UBAC1: variants seen among roughly 807,000 people sequenced by gnomAD.
The protein encoded by UBAC1 is ubiquitin-associated domain-containing protein 1.
Under a neutral mutation model 45.9 loss-of-function variants are expected in UBAC1, and 27 were observed. The observed-to-expected ratio is 0.59, with a 90% CI of 0.43 to 0.81. The LOEUF (loss-of-function observed/expected upper bound fraction) is 0.81, where lower values mean the gene tolerates loss of function less well. Among genes scored for constraint, UBAC1 ranks in the 30% least tolerant of loss-of-function variants. UBAC1 has a pLI of 0.00. For synonymous variants in UBAC1, 227 were observed against 215.5 expected, an observed-to-expected ratio of 1.05 and a Z score of -0.47; for missense variants, 529 against 539.2, an observed-to-expected ratio of 0.98 and a Z score of 0.19.
intron 3 of UBAC1, among the ~76,000 whole-genome samples, chr9:135,950,230 C>T (rs1220039342): frequency 1.3e-5 from 2 of 152,222 alleles, no homozygotes; most frequent in African/African-American, 2.4e-5. Flanking sequence ...GAGCTACAAG[C>T]GGAGTGCTGT....
Position 135,944,240 on chromosome 9 carries a change from G to A in UBAC1, c.876+788C>T, listed in dbSNP as rs376038470. Among the ~76,000 whole-genome samples the A allele has an allele frequency of 4.6e-5, 7 of 152,216 alleles. No individual in the cohort carries two copies. In the South Asian group the frequency reaches 1.5e-3, roughly 32 times the overall value. The stretch of plus-strand genomic sequence containing the variant: ...CACTGCGGGACATGGTGGGGCAGGG[G>A]CCCCACTCATCACCAGCAGAAGCAA... On this transcript the variant is annotated intron_variant, in intron 7 of 9. Coordinates refer to ENST00000371756, the MANE Select transcript of UBAC1 (RefSeq NM_016172.3).
At chr9:135,960,916 G>A in intron 1 of UBAC1, 109 bp downstream of exon 1, 3 of 1,013,100 alleles carry the variant, frequency 3.0e-6, no homozygotes, top group Non-Finnish European at 2.7e-6. Flanking sequence ...TGGGAGCTGC[G>A]GACTGGGCGG....
intron 7 of UBAC1, among the ~76,000 whole-genome samples, chr9:135,941,786 A>G (rs1839272524): frequency 6.6e-6 from 1 of 152,046 alleles, no homozygotes; most frequent in South Asian, 2.1e-4. Context: ...GCCCCCGGAC[A>G]GCAGGCATCC....
At chr9:135,944,967 T>A in intron 7 of UBAC1, 61 bp downstream of exon 7, 1 of 1,509,918 alleles carries the variant, frequency 6.6e-7, no homozygotes, top group Non-Finnish European at 9.0e-7. Context: ...TTCCTTTCCA[T>A]GGCGCCACCT....
chr9:135,942,321 T>C (rs1028311089), intron 7 of UBAC1: 1 of 152,110 alleles, frequency 6.6e-6, no homozygotes, highest in Admixed American at 6.6e-5. Flanking sequence ...ACAAACTTCC[T>C]GCTAAACCTA....
chr9:135,961,190 C>T lies in UBAC1; in HGVS notation c.-28G>A, dbSNP rs1273579655. ...CGCCGCCGCCGCAGGGGCCTGCGCCCGCCACCCGGGCCCCTGAAGGTCACC... is the reference window on the plus strand; with the variant it reads ...CGCCGCCGCCGCAGGGGCCTGCGCCTGCCACCCGGGCCCCTGAAGGTCACC... On this transcript the variant is annotated 5_prime_UTR_variant, in exon 1 of 10. Coordinates refer to ENST00000371756, the MANE Select transcript of UBAC1 (RefSeq NM_016172.3). The T allele has an allele frequency of 5.3e-6, 8 of 1,498,508 alleles. No individual in the cohort carries two copies. Among genetic ancestry groups the T allele is most frequent in the Non-Finnish European group, 7.1e-6 (8 of 1,131,104 alleles). 92.8% of individuals were successfully genotyped at this position (1,498,508 alleles called of 1,614,324 possible).
chr9:135,938,230 G>C lies in UBAC1; in HGVS notation c.1094C>G (p.Thr365Arg). ...AAAGAAGGCGCACATACCTAGCAAT[G>C]TTTTCGGGTTGGTCAGGCCCAGCTG... ...VVQLGLTNPK[T>R]LLAFEDMLEN... The change falls in exon 9 of 10, where the codon ACA (threonine) becomes AGA (arginine). Residue 365 changes from threonine to arginine, a missense_variant. Thr to Arg is a moderately conservative substitution (Grantham distance 71). Coordinates refer to ENST00000371756, the MANE Select transcript of UBAC1 (RefSeq NM_016172.3). 2 of 1,614,030 alleles carry C rather than the reference G, an allele frequency of 1.2e-6. No homozygotes were observed. The highest frequency in any genetic ancestry group is 1.1e-5 in the South Asian group (1 of 91,086).
Position 135,933,289 on chromosome 9 carries a change from A to C in UBAC1, c.*111T>G. ...CAGGAGCAGCTGCAGCACCTCTAAC[A>C]GTCCAGGGCTGAGGCGCTGAAGGTG... On this transcript the variant is annotated 3_prime_UTR_variant, in exon 10 of 10. Transcript: ENST00000371756. The C allele has an allele frequency of 1.2e-6, 1 of 802,192 alleles. No homozygotes were observed. The highest frequency in any genetic ancestry group is 2.1e-6 in the Non-Finnish European group (1 of 472,320). The allele number at this position is 802,192 out of a possible 1,614,324, so 49.7% of individuals were successfully genotyped here.
At chr9:135,950,105 A>G (rs1432814144) in intron 3 of UBAC1, among the ~76,000 whole-genome samples, 2 of 152,228 alleles carry the variant, frequency 1.3e-5, no homozygotes, top group Non-Finnish European at 2.9e-5. Context: ...TCAGAAAGGA[A>G]GGCAGCCCTT....
intron 8 of UBAC1, 129 bp from the exon 9 acceptor site, chr9:135,938,489 C>T: frequency 8.4e-7 from 1 of 1,189,924 alleles, no homozygotes; most frequent in East Asian, 2.6e-5. Context: ...GCTGATCTCC[C>T]TGGAAGGGAC....
intron 6 of UBAC1, 36 bp from the exon 7 acceptor site, chr9:135,945,286 C>A: frequency 6.6e-7 from 1 of 1,517,236 alleles, no homozygotes; most frequent in Non-Finnish European, 8.8e-7. Flanking sequence ...CATCCCCAGA[C>A]TAACGGACCA....
At chr9:135,938,433 A>C in intron 8 of UBAC1, 73 bp from the exon 9 acceptor site, 2 of 1,556,072 alleles carry the variant, frequency 1.3e-6, no homozygotes, top group Non-Finnish European at 1.7e-6. Flanking sequence ...AGCAGCAGGC[A>C]TGACAGCTCC....
intron 3 of UBAC1, among the ~76,000 whole-genome samples, chr9:135,948,516 C>G (rs958285515): frequency 6.6e-6 from 1 of 152,256 alleles, no homozygotes; most frequent in Non-Finnish European, 1.5e-5. Context: ...CAGGAGCTAG[C>G]GCTCCATCCC....
rs573098704 is a variant in UBAC1 at position 135,935,422 on chromosome 9, G to A, written c.1103-1907C>T. On this transcript the variant is annotated intron_variant, in intron 9 of 9. Transcript: ENST00000371756. The stretch of plus-strand genomic sequence containing the variant: ...GCACTCTAGAAGGCAGAGGTGGGGG[G>A]AGCGCTTGAAGCCAGGAGTTCAAGA... 2.6e-5 allele frequency among the ~76,000 whole-genome samples: 4 copies of A among 152,258 alleles called. No individual in the cohort carries two copies. In the East Asian group the frequency reaches 5.8e-4, roughly 22 times the overall value.
At chr9:135,953,327 T>C (rs910633587) in intron 3 of UBAC1, among the ~76,000 whole-genome samples, 4 of 152,146 alleles carry the variant, frequency 2.6e-5, no homozygotes, top group Admixed American at 1.3e-4. Flanking sequence ...TATTTATTTA[T>C]TTAATTTTGA....
In UBAC1 at chr9:135,945,138, C is replaced by G; in HGVS notation, c.766G>C (p.Ala256Pro). ...PPEAEGATAA[A>P]SEAAAGASAT... ...CTGGCTCCCGCGGCAGCCTCGGAGG[C>G]AGCTGCTGTGGCCCCCTCGGCCTCT... Residue 256 changes from alanine to proline, a missense_variant, in exon 7 of 10, where the codon GCC becomes CCC. Physicochemically the swap from Ala to Pro is conservative, Grantham distance 27. Transcript: ENST00000371756. 1.2e-6 allele frequency: 2 copies of G among 1,614,000 alleles called. No individual in the cohort carries two copies. The highest frequency in any genetic ancestry group is 1.7e-6 in the Non-Finnish European group (2 of 1,179,968).
In UBAC1 at chr9:135,933,414, G is replaced by A; in HGVS notation, c.1204C>T (p.Leu402=). Residue 402 remains leucine (L), a synonymous_variant, in exon 10 of 10, where the codon CTA becomes TTA. Coordinates refer to ENST00000371756, the MANE Select transcript of UBAC1 (RefSeq NM_016172.3). ...AACAACGCCACCTACGTGCGATTTA[G>A]TGTCTGGAAGATTCTAGAGATCTGC... ...MLQISRIFQT[L]NRT 1 of 1,614,110 alleles carries A rather than the reference G, an allele frequency of 6.2e-7. No homozygotes were observed. Among genetic ancestry groups the A allele is most frequent in the Non-Finnish European group, 8.5e-7 (1 of 1,179,962 alleles).
intron 7 of UBAC1, 79 bp downstream of exon 7, chr9:135,944,949 G>T: frequency 1.4e-6 from 2 of 1,422,476 alleles, no homozygotes; most frequent in Non-Finnish European, 9.6e-7. Flanking sequence ...CAGCCATGCA[G>T]CCCCAGCTTC....
At chr9:135,956,816 C>T (rs1839472459) in intron 1 of UBAC1, among the ~76,000 whole-genome samples, 1 of 152,252 alleles carries the variant, frequency 6.6e-6, no homozygotes, top group African/African-American at 2.4e-5. Flanking sequence ...TACAGATCCC[C>T]TGAGGTTTGA....
Sources: allele counts gnomAD v4.1 joint callset (sites outside exome capture counted in the v4.1 genomes callset), GRCh38; gene constraint gnomAD v4.1.1; transcripts MANE v1.5; gene names NCBI Gene and HGNC (gene_info 2026-07-23, HGNC 2026-07-21).